Variants in SLC38A6 observed in about 807,000 individuals in gnomAD.
SLC38A6 encodes N system amino acid transporter NAT-1.
A neutral mutation model predicts 65.0 loss-of-function variants in SLC38A6; 73 were observed. The observed-to-expected ratio is 1.12, with a 90% CI of 0.93 to 1.37. The LOEUF (loss-of-function observed/expected upper bound fraction) is 1.37. Ranked by LOEUF, SLC38A6 falls within the 40% of genes most tolerant of loss-of-function variation. SLC38A6 has a pLI of 0.00. For missense variants in SLC38A6, 561 were observed against 531.1 expected, an observed-to-expected ratio of 1.06 and a Z score of -0.55; for synonymous variants, 183 against 178.8, an observed-to-expected ratio of 1.02 and a Z score of -0.19.
At chr14:61,080,740 A>G (rs2043611661) in intron 16 of SLC38A6, among the ~76,000 whole-genome samples, 1 of 152,208 alleles carries the variant, frequency 6.6e-6, no homozygotes, top group Admixed American at 6.5e-5. Context: ...TCTCTGCTAC[A>G]GCTGCTGCAC....
chr14:61,054,952 A>G (rs1197317090), downstream of SLC38A6, among the ~76,000 whole-genome samples: 1 of 152,078 alleles, frequency 6.6e-6, no homozygotes, highest in East Asian at 1.9e-4. Flanking sequence ...TTTCAAGGGA[A>G]ATGCTTCCAG....
At chr14:61,018,345 A>AT in intron 4 of SLC38A6, among the ~76,000 whole-genome samples, 1 of 152,274 alleles carries the variant, frequency 6.6e-6, no homozygotes, top group East Asian at 1.9e-4. Context: ...GAAATGCAGA[A>AT]TTTTTTCTGG....
intron 2 of SLC38A6, among the ~76,000 whole-genome samples, chr14:60,982,954 TA>T (rs368682641): frequency 1.3e-5 from 2 of 152,316 alleles, no homozygotes; most frequent in South Asian, 4.1e-4. Context: ...CCATGCAGAT[TA>T]ACTTCCAAAT....
In SLC38A6 at chr14:61,051,901, C is replaced by G; in HGVS notation, c.1165C>G (p.Pro389Ala). 1.9e-6 allele frequency: 3 copies of G among 1,611,160 alleles called. No individual in the cohort carries two copies. Among genetic ancestry groups the G allele is most frequent in the Non-Finnish European group, 2.5e-6 (3 of 1,179,084 alleles). The stretch of plus-strand genomic sequence containing the variant: ...CATCGTTTTACTTGCAATATATGTT[C>G]CTGACATTAGAAATGTATTTGGTGT... ...IIIVLLAIYV[P>A]DIRNVFGVVG... The change falls in exon 14 of 16, where the codon CCT becomes GCT. Residue 389 changes from proline to alanine, a missense_variant. By Grantham distance (27) the Pro-to-Ala change is conservative. Coordinates refer to ENST00000267488, the MANE Select transcript of SLC38A6 (RefSeq NM_153811.3).
At chr14:61,063,641 C>G (rs1236555567) in intron 15 of SLC38A6, among the ~76,000 whole-genome samples, 1 of 152,136 alleles carries the variant, frequency 6.6e-6, no homozygotes, top group Admixed American at 6.5e-5. Flanking sequence ...TGCAGGTGCA[C>G]CTTTGCTTCT....
At chr14:61,067,741 G>T (rs900385257) in intron 15 of SLC38A6, among the ~76,000 whole-genome samples, 2 of 151,840 alleles carry the variant, frequency 1.3e-5, no homozygotes, top group African/African-American at 2.4e-5. Context: ...ATATGTATAG[G>T]TACACATATA....
At chr14:61,054,160 C>A (rs909819647), downstream of SLC38A6, among the ~76,000 whole-genome samples, 5 of 152,018 alleles carry the variant, frequency 3.3e-5, no homozygotes, top group African/African-American at 1.2e-4. Context: ...TTTCTTTCAG[C>A]TTTGTTGAAG....
chr14:61,033,356 T>G (rs774320975), intron 6 of SLC38A6, among the ~76,000 whole-genome samples: 24 of 152,052 alleles, frequency 1.6e-4, no homozygotes, highest in Non-Finnish European at 2.5e-4. Context: ...TATTTCATAC[T>G]TGGAACATTT....
intron 5 of SLC38A6, among the ~76,000 whole-genome samples, chr14:61,019,823 C>G (rs1247525676): frequency 1.3e-5 from 2 of 151,980 alleles, no homozygotes; most frequent in African/African-American, 4.8e-5. Flanking sequence ...CTGCAACACA[C>G]CTCTAAAACA....
chr14:61,058,212 T>G (rs1216340352), intron 15 of SLC38A6, among the ~76,000 whole-genome samples: 1 of 26,124 alleles, frequency 3.8e-5, no homozygotes, highest in African/African-American at 1.5e-4. Context: ...ATTGTGATGT[T>G]AGGGTGTCAA....
intron 5 of SLC38A6, among the ~76,000 whole-genome samples, chr14:61,021,046 G>T (rs2040318901): frequency 6.6e-6 from 1 of 152,062 alleles, no homozygotes; most frequent in Admixed American, 6.6e-5. Flanking sequence ...TGTTATTGGA[G>T]ATGGCTATAC....
intron 16 of SLC38A6, among the ~76,000 whole-genome samples, chr14:61,080,435 C>A (rs1421292694): frequency 6.6e-6 from 1 of 152,188 alleles, no homozygotes; most frequent in Non-Finnish European, 1.5e-5. Flanking sequence ...CTGACTCTCT[C>A]CTTTGGAAAT....
At chr14:61,075,174 C>T (rs575657289) in intron 15 of SLC38A6, among the ~76,000 whole-genome samples, 9 of 152,270 alleles carry the variant, frequency 5.9e-5, no homozygotes, top group Admixed American at 2.6e-4. Context: ...AAGTGGCTGA[C>T]GGGCATTTTA....
intron 4 of SLC38A6, among the ~76,000 whole-genome samples, chr14:61,017,278 G>A (rs1228178802): frequency 6.6e-6 from 1 of 152,182 alleles, no homozygotes; most frequent in Non-Finnish European, 1.5e-5. Flanking sequence ...GACCTCAGGT[G>A]ATCCACCTGC....
intron 16 of SLC38A6, chr14:61,083,528 A>T: frequency 6.5e-7 from 1 of 1,545,666 alleles, no homozygotes; most frequent in Admixed American, 2.0e-5. Flanking sequence ...CCCTAATTCA[A>T]TGTGACTGGT....
intron 12 of SLC38A6, chr14:61,048,262 C>T: frequency 2.5e-6 from 1 of 400,506 alleles, no homozygotes; most frequent in African/African-American, 2.1e-5. Flanking sequence ...ACAACTAAAG[C>T]CCAGAGAGGT....
Position 61,069,962 on chromosome 14 carries a change from C to T in SLC38A6, c.1291-8848C>T, listed in dbSNP as rs547388593. 5.9e-5 allele frequency among the ~76,000 whole-genome samples: 9 copies of T among 152,274 alleles called. No homozygotes were observed. The South Asian group carries it at 1.9e-3, about 32-fold the overall frequency. On this transcript the variant is annotated intron_variant, in intron 15 of 16. Coordinates refer to the SLC38A6 transcript ENST00000354886. ...CACAAGGAGAATACACGGATATACA[C>T]CCGCAAATGTTGGCATACAACATGA...
chr14:61,041,959 G>A lies in SLC38A6; in HGVS notation c.625-1188G>A, dbSNP rs189032743. On this transcript the variant is annotated intron_variant, in intron 8 of 15. Transcript: ENST00000267488. ...GTTTCACCCTCACCTCATCCTCATC[G>A]TTTTTTTTTGTTGTTGTTGTTTTTC... Among the ~76,000 whole-genome samples, 409 of 150,672 alleles carry A rather than the reference G, an allele frequency of 2.7e-3. 1 individual carries two copies. Among genetic ancestry groups the A allele is most frequent in the African/African-American group, 9.6e-3 (395 of 41,146 alleles).
intron 5 of SLC38A6, among the ~76,000 whole-genome samples, chr14:61,028,567 T>C (rs998323717): frequency 2.0e-5 from 3 of 152,164 alleles, no homozygotes; most frequent in Non-Finnish European, 2.9e-5. Flanking sequence ...CATTTTTCCT[T>C]ACGAGAATAT....
Sources: allele counts gnomAD v4.1 joint callset (sites outside exome capture counted in the v4.1 genomes callset), GRCh38; gene constraint gnomAD v4.1.1; transcripts MANE v1.5; gene names NCBI Gene and HGNC (gene_info 2026-07-23, HGNC 2026-07-21).